MYO3B: variants seen among roughly 807,000 people sequenced by gnomAD.
The protein encoded by MYO3B is myosin IIIB, also known as myosin-IIIb.
A neutral mutation model predicts 174.6 loss-of-function variants in MYO3B; 156 were observed. The ratio of observed to expected loss-of-function variants is 0.89; its 90% CI spans 0.78 to 1.02. MYO3B has a LOEUF of 1.02. MYO3B is among the 50% of genes least tolerant of loss of function. MYO3B has a pLI of 0.00. For missense variants in MYO3B, 1,632 were observed against 1,639.4 expected (o/e 1.00, Z 0.08); for synonymous variants, 563 against 569.1 (o/e 0.99, Z 0.15).
At chr2:170,458,634 C>G (rs1684049889) in intron 23 of MYO3B, among the ~76,000 whole-genome samples, 1 of 152,184 alleles carries the variant, frequency 6.6e-6, no homozygotes, top group South Asian at 2.1e-4. Flanking sequence ...GGAAGACAAA[C>G]TCTTAGGCTA....
intron 1 of MYO3B, among the ~76,000 whole-genome samples, chr2:170,178,949 T>G (rs1392533731): frequency 6.6e-6 from 1 of 152,196 alleles, no homozygotes; most frequent in East Asian, 1.9e-4. Flanking sequence ...GCCATGATTC[T>G]TTTCTTCCTC....
Position 170,616,280 on chromosome 2 carries a change from C to T in MYO3B, c.3734-35348C>T, listed in dbSNP as rs148173648. Reference sequence around the variant, plus strand: ...CCATACGGACAGCCACCTCCCCATGCATCCGTTTATAGGCTCTCCACAAGG... The same window carrying T: ...CCATACGGACAGCCACCTCCCCATGTATCCGTTTATAGGCTCTCCACAAGG... On this transcript the variant is annotated intron_variant, in intron 32 of 34. Coordinates refer to ENST00000408978, the MANE Select transcript of MYO3B (RefSeq NM_138995.5). 4.2e-3 allele frequency among the ~76,000 whole-genome samples: 632 copies of T among 152,260 alleles called. 11 individuals are homozygous for T. Among genetic ancestry groups the T allele is most frequent in the African/African-American group, 0.015 (611 of 41,536 alleles).
In MYO3B at chr2:170,392,355, G is replaced by A. The variant is rs200377624; in HGVS notation, c.1677-26G>A. 3.6e-4 allele frequency: 545 copies of A among 1,512,632 alleles called. 2 individuals are homozygous for A. Among genetic ancestry groups the A allele is most frequent in the Admixed American group, 4.8e-4 (26 of 53,612 alleles). The allele number at this position is 1,512,632 out of a possible 1,614,324, so 93.7% of individuals were successfully genotyped here. On this transcript the variant is annotated intron_variant, in intron 15 of 34. Transcript: ENST00000408978. ...TACTTTCCAAGTCAGTGCTCATTCT[G>A]TTTGGTCATGCTCCACTTCATTTAG... is the stretch of plus-strand genomic sequence containing the variant.
At chr2:170,271,058 T>G (rs183743802) in intron 7 of MYO3B, among the ~76,000 whole-genome samples, 1 of 152,278 alleles carries the variant, frequency 6.6e-6, no homozygotes, top group Non-Finnish European at 1.5e-5. Context: ...GATATAGAAA[T>G]TGGAGCCGGT....
At chr2:170,551,100 A>G (rs1321513023) in intron 32 of MYO3B, among the ~76,000 whole-genome samples, 1 of 151,790 alleles carries the variant, frequency 6.6e-6, no homozygotes, top group East Asian at 1.9e-4. Flanking sequence ...GGATTTCACT[A>G]TGCTGCCCAG....
At chr2:170,256,981 C>A (rs1261543752) in intron 7 of MYO3B, among the ~76,000 whole-genome samples, 1 of 151,970 alleles carries the variant, frequency 6.6e-6, no homozygotes, top group African/African-American at 2.4e-5. Context: ...GACTTTAAAC[C>A]AAGAATAGTA....
chr2:170,551,036 T>G (rs1346944531), intron 32 of MYO3B, among the ~76,000 whole-genome samples: 1 of 152,062 alleles, frequency 6.6e-6, no homozygotes, highest in Non-Finnish European at 1.5e-5. Context: ...GTAACTGGGA[T>G]TACAGGCCTG....
intron 27 of MYO3B, 113 bp from the exon 28 acceptor site, chr2:170,501,672 A>G: frequency 1.5e-6 from 1 of 666,712 alleles, no homozygotes; most frequent in Non-Finnish European, 2.7e-6. Flanking sequence ...TCAGTGAGAA[A>G]GCAGGAGGGA....
chr2:170,547,375 G>A (rs570029080), intron 32 of MYO3B, among the ~76,000 whole-genome samples: 3 of 151,448 alleles, frequency 2.0e-5, no homozygotes, highest in African/African-American at 7.3e-5. Flanking sequence ...CATGTGGTCC[G>A]GCTTATTGCT....
rs143632659 is a variant in MYO3B, at chr2:170,211,422, T to C, written c.322-2957T>C. 7.9e-5 allele frequency among the ~76,000 whole-genome samples: 12 copies of C among 152,334 alleles called. No homozygotes were observed. The East Asian group carries it at 2.3e-3, about 29-fold the overall frequency. On this transcript the variant is annotated intron_variant, in intron 3 of 34. Transcript: ENST00000408978. The stretch of plus-strand genomic sequence containing the variant: ...TTTTAGCCATGCCAAGCAGCTAGTA[T>C]TTCTGGCTTTCAAACTTTACTAACG...
chr2:170,608,669 G>A (rs547119781), intron 32 of MYO3B, among the ~76,000 whole-genome samples: 1 of 149,978 alleles, frequency 6.7e-6, no homozygotes, highest in South Asian at 2.1e-4. Flanking sequence ...CAAGCCCAAA[G>A]AGAGAGAGAG....
chr2:170,185,806 C>T (rs1188190322), intron 1 of MYO3B, among the ~76,000 whole-genome samples: 1 of 152,010 alleles, frequency 6.6e-6, no homozygotes. Flanking sequence ...TCATGTGTGT[C>T]CTGTTCAATT....
At chr2:170,643,774 C>T (rs966586726) in intron 32 of MYO3B, 6 of 152,282 alleles carry the variant, frequency 3.9e-5, no homozygotes, top group African/African-American at 1.4e-4. Context: ...ATATTCTCTC[C>T]CTTTCTTCCC....
At chr2:170,240,274 T>G (rs1410959340) in intron 7 of MYO3B, among the ~76,000 whole-genome samples, 2 of 152,182 alleles carry the variant, frequency 1.3e-5, no homozygotes, top group East Asian at 3.8e-4. Flanking sequence ...GAAACTAATT[T>G]GCGGGCAAGA....
At chr2:170,464,048 T>A (rs1405519852) in intron 24 of MYO3B, among the ~76,000 whole-genome samples, 1 of 152,128 alleles carries the variant, frequency 6.6e-6, no homozygotes, top group Non-Finnish European at 1.5e-5. Flanking sequence ...GTCCAGATAG[T>A]TTCACAATAG....
chr2:170,331,383 G>C (rs538150336), intron 7 of MYO3B, among the ~76,000 whole-genome samples: 2 of 152,250 alleles, frequency 1.3e-5, no homozygotes, highest in East Asian at 3.9e-4. Flanking sequence ...TAAGGTAGAG[G>C]GAAGGAGAAA....
At chr2:170,517,450 G>A (rs1423589248) in intron 29 of MYO3B, among the ~76,000 whole-genome samples, 1 of 149,538 alleles carries the variant, frequency 6.7e-6, no homozygotes, top group Non-Finnish European at 1.5e-5. Flanking sequence ...AGATTTTACA[G>A]TTTTTTTTTT....
chr2:170,329,257 G>GTATA (rs1409405934), intron 7 of MYO3B, among the ~76,000 whole-genome samples: 1 of 147,522 alleles, frequency 6.8e-6, no homozygotes, highest in African/African-American at 2.5e-5. Context: ...GTGTGTGTGT[G>GTATA]TGTATATATA....
intron 9 of MYO3B, among the ~76,000 whole-genome samples, chr2:170,374,003 C>A (rs1371567501): frequency 6.6e-6 from 1 of 152,108 alleles, no homozygotes; most frequent in Admixed American, 6.5e-5. Context: ...AACTGAATAG[C>A]ATCCTATTGT....
Sources: gnomAD v4.1 joint callset for allele counts (sites outside exome capture counted in the v4.1 genomes callset) on GRCh38, gnomAD v4.1.1 for gene constraint, MANE v1.5 for transcripts, NCBI Gene and HGNC (gene_info 2026-07-23, HGNC 2026-07-21) for gene names.